Variants in PCDHGB5 observed in about 807,000 individuals in gnomAD.
PCDHGB5 encodes the protein protocadherin gamma-B5.
PCDHGB5 carries 48 observed loss-of-function variants against 62.9 expected under a neutral mutation model. That is an observed-to-expected ratio of 0.76 (90% CI 0.61 to 0.97). PCDHGB5 has a LOEUF of 0.97. Ranked by LOEUF, PCDHGB5 falls within the 50% of genes least tolerant of loss-of-function variation. The pLI, the probability that PCDHGB5 is intolerant of heterozygous loss-of-function variation, is 0.00. For synonymous variants in PCDHGB5, 474 were observed against 511.2 expected, an observed-to-expected ratio of 0.93 and a Z score of 0.98; for missense variants, 1,118 against 1,198.6, an observed-to-expected ratio of 0.93 and a Z score of 0.99.
Position 141,432,488 on chromosome 5 carries a change from C to G in PCDHGB5, c.2397+31964C>G. 6.2e-7 allele frequency: 1 copy of G among 1,614,202 alleles called. No homozygotes were observed. Among genetic ancestry groups the G allele is most frequent in the Non-Finnish European group, 8.5e-7 (1 of 1,180,048 alleles). On this transcript the variant is annotated intron_variant, in intron 1 of 3. Coordinates refer to ENST00000617380, the MANE Select transcript of PCDHGB5 (RefSeq NM_018925.3). This position sits in a 1 kb window ranked among gnomAD's most constrained non-coding sequence, Gnocchi z 6.0. ...CACGGACGGTTCCACTGGCGTGGAGCTGGCTCCCCGCTCCGCAGAGCCCGG... is the reference window on the plus strand; with the variant it reads ...CACGGACGGTTCCACTGGCGTGGAGGTGGCTCCCCGCTCCGCAGAGCCCGG...
At chr5:141,458,594 G>T (rs1226490392) in intron 1 of PCDHGB5, among the ~76,000 whole-genome samples, 1 of 151,612 alleles carries the variant, frequency 6.6e-6, no homozygotes, top group Non-Finnish European at 1.5e-5. Context: ...TTTTGGAGAC[G>T]AGTCTCACTC....
intron 1 of PCDHGB5, chr5:141,426,765 G>A (rs1343961009): frequency 1.8e-5 from 8 of 456,530 alleles, no homozygotes; most frequent in Non-Finnish European, 3.5e-5. Flanking sequence ...AGATGCAGAT[G>A]TAGGGCCTCA....
Position 141,403,717 on chromosome 5 carries a change from G to A in PCDHGB5, c.2397+3193G>A, listed in dbSNP as rs1561689674. On this transcript the variant is annotated intron_variant, in intron 1 of 3. Transcript: ENST00000617380. Reference sequence around the variant, plus strand: ...ACCGAGTTAAAGTCCTTGAGAACGTGCCCCCAGGCACCTGGCTGCTTACTG... The same window carrying A: ...ACCGAGTTAAAGTCCTTGAGAACGTACCCCCAGGCACCTGGCTGCTTACTG... 3 of 1,613,936 alleles carry A rather than the reference G, an allele frequency of 1.9e-6. No homozygotes were observed. In the South Asian group the frequency reaches 3.3e-5, roughly 18 times the overall value.
At chr5:141,488,389 A>G (rs1322717951) in intron 1 of PCDHGB5, among the ~76,000 whole-genome samples, 1 of 152,224 alleles carries the variant, frequency 6.6e-6, no homozygotes, top group East Asian at 1.9e-4. Context: ...GAATTTGGTG[A>G]AACCATGAAA....
intron 1 of PCDHGB5, among the ~76,000 whole-genome samples, chr5:141,480,768 A>G (rs1371582817): frequency 6.6e-6 from 1 of 152,162 alleles, no homozygotes; most frequent in African/African-American, 2.4e-5. Flanking sequence ...TCCCCACTTG[A>G]TCCTAATGTG....
rs756549446 is a variant in PCDHGB5 at position 141,477,301 on chromosome 5, C to G, written c.2398-17506C>G. 32 of 1,614,042 alleles carry G rather than the reference C, an allele frequency of 2.0e-5. 2 individuals carry two copies. In the South Asian group the frequency reaches 3.4e-4, roughly 17 times the overall value. On this transcript the variant is annotated intron_variant, in intron 1 of 3. Coordinates refer to ENST00000617380, the MANE Select transcript of PCDHGB5 (RefSeq NM_018925.3). The surrounding 1 kb of genome is among the most constrained non-coding windows in gnomAD (Gnocchi z 4.9). The stretch of plus-strand genomic sequence containing the variant: ...TGACCTGCGAAGTTCCACCGGGTCT[C>G]CCTTTCAGCCTTACTTCTTCCCTCA...
At chr5:141,488,855 C>T (rs1441666819) in intron 1 of PCDHGB5, among the ~76,000 whole-genome samples, 2 of 152,190 alleles carry the variant, frequency 1.3e-5, no homozygotes, top group Non-Finnish European at 1.5e-5. Context: ...ACCTGCAGCA[C>T]GAAGTGAGTG....
chr5:141,511,373 G>T lies in PCDHGB5; in HGVS notation c.*200G>T. On this transcript the variant is annotated 3_prime_UTR_variant, in exon 4 of 4. Transcript: ENST00000617380. ...CCCCCAGGGGGTTGAATATGCAAAA[G>T]CAGTTCCGCTGGGAACCCCCATCCA... 8.0e-7 allele frequency: 1 copy of T among 1,251,332 alleles called. No homozygotes were observed. The highest frequency in any genetic ancestry group is 1.6e-5 in the South Asian group (1 of 63,796). The allele number at this position is 1,251,332 out of a possible 1,614,324, so 77.5% of individuals were successfully genotyped here.
At chr5:141,466,146 T>C (rs977109086) in intron 1 of PCDHGB5, among the ~76,000 whole-genome samples, 5 of 151,880 alleles carry the variant, frequency 3.3e-5, no homozygotes, top group Non-Finnish European at 7.4e-5. Context: ...GTGAAAACTC[T>C]GGTCTTAAAC....
At chr5:141,404,593 A>C in intron 1 of PCDHGB5, 1 of 1,614,080 alleles carries the variant, frequency 6.2e-7, no homozygotes, top group Non-Finnish European at 8.5e-7. Flanking sequence ...GCAATGTGTC[A>C]TTGAGACTGT....
At position 141,432,963 on chromosome 5, in the gene PCDHGB5, C is replaced by T. The variant is rs1382354299; in HGVS notation, c.2397+32439C>T. 1.5e-5 allele frequency: 24 copies of T among 1,614,046 alleles called. 1 individual carries two copies. In the South Asian group the frequency reaches 2.3e-4, roughly 16 times the overall value. On this transcript the variant is annotated intron_variant, in intron 1 of 3. Transcript: ENST00000617380. The surrounding 1 kb of genome is among the most constrained non-coding windows in gnomAD (Gnocchi z 6.0). ...GCTTCAGGAGGCGGCTTGACAGGAG[C>T]GCCGGCGTCGCACTTTGTGGGCGTG...
intron 1 of PCDHGB5, chr5:141,410,596 T>C: frequency 1.2e-6 from 2 of 1,608,810 alleles, no homozygotes; most frequent in Non-Finnish European, 1.7e-6. Flanking sequence ...AGGATTTGAC[T>C]TCACATCCTG....
Position 141,490,975 on chromosome 5 carries a change from C to T in PCDHGB5, c.2398-3832C>T. 1 of 1,614,056 alleles carries T rather than the reference C, an allele frequency of 6.2e-7. No individual in the cohort carries two copies. Among genetic ancestry groups the T allele is most frequent in the African/African-American group, 1.3e-5 (1 of 75,070 alleles). ...CTGGGAACACTCAGCCCCCCAGCGT[C>T]TCCCTCGCTCTGCTCCTCCTGGCTC... On this transcript the variant is annotated intron_variant, in intron 1 of 3. Coordinates refer to ENST00000617380, the MANE Select transcript of PCDHGB5 (RefSeq NM_018925.3). This position sits in a 1 kb window ranked among gnomAD's most constrained non-coding sequence, Gnocchi z 5.4.
intron 1 of PCDHGB5, among the ~76,000 whole-genome samples, chr5:141,483,709 G>A (rs1486825412): frequency 1.3e-5 from 2 of 152,036 alleles, no homozygotes; most frequent in Non-Finnish European, 2.9e-5. Flanking sequence ...TTTGACACCA[G>A]AATATTGGTT....
chr5:141,476,926 T>G lies in PCDHGB5; in HGVS notation c.2398-17881T>G, dbSNP rs779017502. ...GCGTGGTACAAGTCCTTGCAACGGA[T>G]CTGGATGAAGGCCCCAACGGTGAAA... is the stretch of plus-strand genomic sequence containing the variant. On this transcript the variant is annotated intron_variant, in intron 1 of 3. Coordinates refer to ENST00000617380, the MANE Select transcript of PCDHGB5 (RefSeq NM_018925.3). The surrounding 1 kb of genome is among the most constrained non-coding windows in gnomAD (Gnocchi z 7.6). 1 of 1,614,072 alleles carries G rather than the reference T, an allele frequency of 6.2e-7. No homozygotes were observed. The highest frequency in any genetic ancestry group is 1.1e-5 in the South Asian group (1 of 91,092).
chr5:141,475,984 G>C (rs1282216343), intron 1 of PCDHGB5: 1 of 1,069,308 alleles, frequency 9.4e-7, no homozygotes, highest in Non-Finnish European at 1.3e-6. Flanking sequence ...AACAGCCGGC[G>C]AGCAAATCAA....
rs1177814811 is a variant in PCDHGB5 at position 141,511,841 on chromosome 5, CTGTTT to C, written c.*675_*679del. The C allele has an allele frequency of 3.2e-5, 5 of 156,826 alleles. No homozygotes were observed. Among genetic ancestry groups the C allele is most frequent in the African/African-American group, 4.8e-5 (2 of 41,458 alleles). The allele number at this position is 156,826 out of a possible 1,614,324, so 9.7% of individuals were successfully genotyped here. ...TCCCAACGCCCTGGGGACCAGTCTT[CTGTTT>C]TGTTTTTCATTGTTTGACGTTTCCA... On this transcript the variant is annotated 3_prime_UTR_variant, in exon 4 of 4. Coordinates refer to ENST00000617380, the MANE Select transcript of PCDHGB5 (RefSeq NM_018925.3).
At chr5:141,436,691 A>G (rs2097840863) in intron 1 of PCDHGB5, among the ~76,000 whole-genome samples, 1 of 152,226 alleles carries the variant, frequency 6.6e-6, no homozygotes, top group Admixed American at 6.5e-5. Context: ...TATATTTTCA[A>G]TGCCAGCACA....
In PCDHGB5 at chr5:141,491,354, C is replaced by T. The variant is rs2099710960; in HGVS notation, c.2398-3453C>T. The T allele has an allele frequency of 6.2e-7, 1 of 1,614,166 alleles. No homozygotes were observed. Among genetic ancestry groups the T allele is most frequent in the South Asian group, 1.1e-5 (1 of 91,088 alleles). On this transcript the variant is annotated intron_variant, in intron 1 of 3. Coordinates refer to ENST00000617380, the MANE Select transcript of PCDHGB5 (RefSeq NM_018925.3). This position sits in a 1 kb window ranked among gnomAD's most constrained non-coding sequence, Gnocchi z 6.9. ...GCTCTAGCGACCGTCAGTCTCTTAT[C>T]CCTAGTCACCTTCACCTTTCTGTCA...
Sources: allele counts gnomAD v4.1 joint callset (sites outside exome capture counted in the v4.1 genomes callset), GRCh38; gene constraint gnomAD v4.1.1; non-coding constraint Gnocchi (gnomAD v3.1); transcripts MANE v1.5; gene names NCBI Gene and HGNC (gene_info 2026-07-23, HGNC 2026-07-21).